The following SGCZ variants were observed in gnomAD, a reference collection of about 807,000 sequenced individuals.
The protein encoded by SGCZ is zeta-sarcoglycan.
In SGCZ, 40 loss-of-function variants were observed where a neutral mutation model predicts 41.3. The observed-to-expected ratio is 0.97, with a 90% confidence interval of 0.75 to 1.26. The LOEUF is 1.26. Ranked by LOEUF, SGCZ falls within the 50% of genes most tolerant of loss-of-function variation. The pLI is 0.00. For missense variants in SGCZ, 552 were observed against 369.8 expected (o/e 1.49, Z -4.04); for synonymous variants, 206 against 137.5 (o/e 1.50, Z -3.49).
At chr8:14,455,488 A>ATG (rs372355241) in intron 2 of SGCZ, among the ~76,000 whole-genome samples, 3,987 of 150,916 alleles carry the variant, frequency 0.026, 198 homozygotes, top group African/African-American at 0.093. Context: ...ACACACACAC[A>ATG]CACGCATATA....
intron 3 of SGCZ, among the ~76,000 whole-genome samples, chr8:14,264,986 C>A (rs1158990617): frequency 2.6e-5 from 4 of 151,920 alleles, no homozygotes; most frequent in Non-Finnish European, 5.9e-5. Flanking sequence ...CAAACAAAAA[C>A]ACAAAAAAAC....
At chr8:14,184,645 G>C (rs1439451901) in intron 4 of SGCZ, among the ~76,000 whole-genome samples, 1 of 152,068 alleles carries the variant, frequency 6.6e-6, no homozygotes, top group Non-Finnish European at 1.5e-5. Flanking sequence ...TCAAGCTATG[G>C]GTCCTCAAAA....
intron 1 of SGCZ, among the ~76,000 whole-genome samples, chr8:14,588,650 TAAA>T (rs1310445622): frequency 6.6e-6 from 1 of 151,696 alleles, no homozygotes; most frequent in African/African-American, 2.4e-5. Flanking sequence ...AAGCAAGAAA[TAAA>T]AACGTTAGGA....
At chr8:14,610,002 C>T (rs575536878) in intron 1 of SGCZ, among the ~76,000 whole-genome samples, 21 of 152,130 alleles carry the variant, frequency 1.4e-4, no homozygotes, top group Non-Finnish European at 2.6e-4. Flanking sequence ...AGTCTGTTCA[C>T]GAGGGAGATT....
intron 1 of SGCZ, among the ~76,000 whole-genome samples, chr8:15,218,699 C>G (rs1801496577): frequency 6.6e-6 from 1 of 152,150 alleles, no homozygotes; most frequent in African/African-American, 2.4e-5. Flanking sequence ...ACTCATTTCA[C>G]CAGCCCTCAT....
intron 2 of SGCZ, among the ~76,000 whole-genome samples, chr8:14,326,267 G>C (rs976518899): frequency 6.6e-6 from 1 of 152,068 alleles, no homozygotes; most frequent in South Asian, 2.1e-4. Context: ...TGTGTTCAGG[G>C]ATGTTGTGAT....
At chr8:14,630,259 G>A (rs976712647) in intron 1 of SGCZ, among the ~76,000 whole-genome samples, 1 of 151,058 alleles carries the variant, frequency 6.6e-6, no homozygotes, top group African/African-American at 2.4e-5. Context: ...GGTTTCTCTA[G>A]TGGGAATAAA....
At chr8:14,855,507 G>A (rs1017232223) in intron 1 of SGCZ, among the ~76,000 whole-genome samples, 8 of 152,080 alleles carry the variant, frequency 5.3e-5, no homozygotes, top group South Asian at 4.1e-4. Flanking sequence ...TAGTCATGGG[G>A]TTCAGCTTAA....
intron 3 of SGCZ, among the ~76,000 whole-genome samples, chr8:14,291,835 T>A (rs971700090): frequency 2.0e-5 from 3 of 151,930 alleles, no homozygotes; most frequent in East Asian, 1.9e-4. Context: ...TCATGAAAAT[T>A]CAAGTCAACT....
At chr8:14,397,499 T>C (rs972335415) in intron 2 of SGCZ, among the ~76,000 whole-genome samples, 21 of 152,272 alleles carry the variant, frequency 1.4e-4, no homozygotes, top group African/African-American at 4.3e-4. Flanking sequence ...CCAAGTTACA[T>C]TTTATGTGAA....
chr8:14,460,748 T>C (rs1461873), intron 2 of SGCZ, among the ~76,000 whole-genome samples: 12,047 of 152,222 alleles, frequency 0.079, 638 homozygotes, highest in Admixed American at 0.13. Context: ...AAAGGTACAA[T>C]AGCAAGATGC....
intron 2 of SGCZ, among the ~76,000 whole-genome samples, chr8:14,491,791 T>C (rs576218377): frequency 3.2e-4 from 49 of 152,308 alleles, no homozygotes; most frequent in Middle Eastern, 3.4e-3. Context: ...TTCATTTTAA[T>C]AGCTCATTCT....
At chr8:14,138,031 T>G (rs1196219163) in intron 5 of SGCZ, among the ~76,000 whole-genome samples, 1 of 152,188 alleles carries the variant, frequency 6.6e-6, no homozygotes, top group Non-Finnish European at 1.5e-5. Context: ...ATATGCAACA[T>G]TCTTAAAGAA....
intron 1 of SGCZ, among the ~76,000 whole-genome samples, chr8:14,578,403 C>T (rs1804783146): frequency 6.6e-6 from 1 of 152,180 alleles, no homozygotes; most frequent in Non-Finnish European, 1.5e-5. Flanking sequence ...CACCCCTTTG[C>T]AAGTTGTCCT....
chr8:14,102,734 G>A (rs4342595), intron 6 of SGCZ, among the ~76,000 whole-genome samples: 2 of 151,774 alleles, frequency 1.3e-5, no homozygotes, highest in Non-Finnish European at 2.9e-5. Flanking sequence ...TATTCACATC[G>A]AGTATTTACT....
chr8:14,882,481 T>C (rs1563336581), intron 1 of SGCZ, among the ~76,000 whole-genome samples: 1 of 152,156 alleles, frequency 6.6e-6, no homozygotes, highest in Non-Finnish European at 1.5e-5. Context: ...TGAATATCGT[T>C]GGTACTGTAT....
chr8:14,210,522 G>T (rs558810075), intron 4 of SGCZ, among the ~76,000 whole-genome samples: 1 of 151,180 alleles, frequency 6.6e-6, no homozygotes, highest in South Asian at 2.1e-4. Context: ...GAGTGCAATG[G>T]TGCGATCTCG....
chr8:14,558,605 A>AGAGG (rs777644486), intron 1 of SGCZ, among the ~76,000 whole-genome samples: 12 of 145,178 alleles, frequency 8.3e-5, no homozygotes, highest in Admixed American at 3.4e-4. Context: ...AGAGAGAGAG[A>AGAGG]GAGAGAGAAT....
At chr8:14,980,538 G>T (rs1801626526) in intron 1 of SGCZ, among the ~76,000 whole-genome samples, 1 of 152,176 alleles carries the variant, frequency 6.6e-6, no homozygotes, top group South Asian at 2.1e-4. Flanking sequence ...TGGACTTATG[G>T]TTCCATGTGG....
Sources: allele counts gnomAD v4.1 joint callset (sites outside exome capture counted in the v4.1 genomes callset), GRCh38; gene constraint gnomAD v4.1.1; transcripts MANE v1.5; gene names NCBI Gene and HGNC (gene_info 2026-07-23, HGNC 2026-07-21).